Variants in PPP2R2B observed in about 807,000 individuals in gnomAD.
PPP2R2B encodes the protein protein phosphatase 2 regulatory subunit Bbeta.
A neutral mutation model predicts 46.0 loss-of-function variants in PPP2R2B; 5 were observed. The ratio of observed to expected loss-of-function variants is 0.11; its 90% CI spans 0.06 to 0.23. The LOEUF is 0.23. Among genes scored for constraint, PPP2R2B ranks in the 10% least tolerant of loss-of-function variants. The probability of loss-of-function intolerance (pLI) is 1.00; values close to 1 mark genes in which losing one functional copy is unlikely to be tolerated. For synonymous variants in PPP2R2B, 215 were observed against 206.7 expected (o/e 1.04, Z -0.34); for missense variants, 367 against 575.0 (o/e 0.64, Z 3.70).
At chr5:146,606,941 C>T (rs1482854328) in intron 7 of PPP2R2B, 1 of 152,150 alleles carries the variant, frequency 6.6e-6, no homozygotes, top group Non-Finnish European at 1.5e-5. Flanking sequence ...CTTTAAATTG[C>T]TCACTTTTGC....
intron 2 of PPP2R2B, among the ~76,000 whole-genome samples, chr5:146,809,852 G>A (rs979888649): frequency 6.6e-6 from 1 of 152,180 alleles, no homozygotes; most frequent in Non-Finnish European, 1.5e-5. Flanking sequence ...GACCCGGTAG[G>A]GGCTCTGTCT....
intron 2 of PPP2R2B, among the ~76,000 whole-genome samples, chr5:146,805,800 A>G (rs1757140921): frequency 6.6e-6 from 1 of 152,110 alleles, no homozygotes; most frequent in Non-Finnish European, 1.5e-5. Flanking sequence ...GTGTTTGCCA[A>G]CTGGGAGCTC....
intron 5 of PPP2R2B, among the ~76,000 whole-genome samples, chr5:146,657,837 T>C (rs1335120765): frequency 6.6e-6 from 1 of 152,194 alleles, no homozygotes; most frequent in Non-Finnish European, 1.5e-5. Flanking sequence ...CTTGTTAGTG[T>C]TCAACAGATG....
intron 1 of PPP2R2B, among the ~76,000 whole-genome samples, chr5:146,892,978 T>G (rs889163427): frequency 6.6e-6 from 1 of 152,200 alleles, no homozygotes; most frequent in Non-Finnish European, 1.5e-5. Context: ...AGGTTTCTAG[T>G]TCATTTTCTG....
intron 5 of PPP2R2B, among the ~76,000 whole-genome samples, chr5:146,683,195 C>T (rs1009488377): frequency 6.6e-6 from 1 of 152,124 alleles, no homozygotes; most frequent in Admixed American, 6.5e-5. Context: ...CGCCTTTTCC[C>T]AAAATTAAAC....
At chr5:146,634,763 TACACAC>T (rs57882196) in intron 7 of PPP2R2B, among the ~76,000 whole-genome samples, 16,186 of 149,506 alleles carry the variant, frequency 0.11, 2,143 homozygotes, top group African/African-American at 0.31. Flanking sequence ...TCTCTTAACT[TACACAC>T]ACACACACAC....
At chr5:146,691,640 T>A (rs1778859019) in intron 4 of PPP2R2B, among the ~76,000 whole-genome samples, 1 of 152,152 alleles carries the variant, frequency 6.6e-6, no homozygotes, top group Non-Finnish European at 1.5e-5. Context: ...ATTATCTCTA[T>A]TTTAGCATCT....
intron 2 of PPP2R2B, among the ~76,000 whole-genome samples, chr5:146,822,078 T>C (rs1223551195): frequency 6.6e-6 from 1 of 152,218 alleles, no homozygotes; most frequent in East Asian, 1.9e-4. Context: ...CTAAAAATGA[T>C]ATAGCTGTCC....
At chr5:146,918,731 T>G (rs779437027) in intron 1 of PPP2R2B, among the ~76,000 whole-genome samples, 1 of 152,208 alleles carries the variant, frequency 6.6e-6, no homozygotes, top group Non-Finnish European at 1.5e-5. Context: ...TTTAAATATA[T>G]TCCCTTGTAA....
chr5:146,712,249 C>T (rs1377470992), intron 2 of PPP2R2B, among the ~76,000 whole-genome samples: 1 of 152,166 alleles, frequency 6.6e-6, no homozygotes, highest in Non-Finnish European at 1.5e-5. Context: ...TTTTCTCTTT[C>T]TCCCTCCCTC....
intron 1 of PPP2R2B, chr5:146,919,565 C>CTGGCTCAGCTCAGACAAAG (rs1763518166): frequency 6.6e-6 from 1 of 152,196 alleles, no homozygotes; most frequent in Admixed American, 6.5e-5. Context: ...AGCAACAGAC[C>CTGGCTCAGCTCAGACAAAG]ACCCAGCTGA....
At chr5:146,777,095 G>A (rs1755230861) in intron 2 of PPP2R2B, among the ~76,000 whole-genome samples, 1 of 152,012 alleles carries the variant, frequency 6.6e-6, no homozygotes, top group Non-Finnish European at 1.5e-5. Flanking sequence ...CACAGAGTTA[G>A]GATATGGCCC....
intron 7 of PPP2R2B, among the ~76,000 whole-genome samples, chr5:146,609,054 T>C (rs1268686119): frequency 6.6e-6 from 1 of 151,952 alleles, no homozygotes; most frequent in Admixed American, 6.6e-5. Context: ...AATTCAACAA[T>C]ACATTAAAAA....
intron 5 of PPP2R2B, among the ~76,000 whole-genome samples, chr5:146,655,221 A>G (rs1433597165): frequency 6.6e-6 from 1 of 152,214 alleles, no homozygotes; most frequent in Non-Finnish European, 1.5e-5. Context: ...CTGGACACCC[A>G]GTATTATATT....
chr5:147,076,253 A>G (rs1000791197), intron 2 of PPP2R2B, among the ~76,000 whole-genome samples: 2 of 152,132 alleles, frequency 1.3e-5, no homozygotes, highest in Admixed American at 1.3e-4. Flanking sequence ...GATCCTATAT[A>G]TTGTTAAGTA....
intron 2 of PPP2R2B, among the ~76,000 whole-genome samples, chr5:147,062,161 T>A (rs944137293): frequency 2.6e-5 from 4 of 152,220 alleles, no homozygotes; most frequent in Non-Finnish European, 5.9e-5. Flanking sequence ...ATGCTTATCA[T>A]TGTGTTACAA....
At chr5:146,828,260 T>A (rs28404917) in intron 2 of PPP2R2B, among the ~76,000 whole-genome samples, 1,732 of 150,396 alleles carry the variant, frequency 0.012, 32 homozygotes, top group African/African-American at 0.032. Context: ...TTTACTTTTT[T>A]TAAAAAAAAA....
chr5:146,652,811 G>C (rs1293888954), intron 5 of PPP2R2B, among the ~76,000 whole-genome samples: 1 of 152,096 alleles, frequency 6.6e-6, no homozygotes, highest in African/African-American at 2.4e-5. Flanking sequence ...GGAAAAAAAT[G>C]AAAGGATTTG....
At chr5:146,600,640 A>G (rs1290357938) in intron 7 of PPP2R2B, among the ~76,000 whole-genome samples, 180 bp from the exon 8 acceptor site, 1 of 152,122 alleles carries the variant, frequency 6.6e-6, no homozygotes, top group Non-Finnish European at 1.5e-5. Context: ...AGCTGTCATT[A>G]GTTTCTGGAT....
Sources: allele counts gnomAD v4.1 joint callset (sites outside exome capture counted in the v4.1 genomes callset), GRCh38; gene constraint gnomAD v4.1.1; transcripts MANE v1.5; gene names NCBI Gene and HGNC (gene_info 2026-07-23, HGNC 2026-07-21).